Variants in DOCK7 observed in about 807,000 individuals in gnomAD.
DOCK7 encodes dedicator of cytokinesis protein 7.
In DOCK7, 138 loss-of-function variants were observed where a neutral mutation model predicts 271.0. The observed-to-expected ratio is 0.51, with a 90% CI of 0.44 to 0.59. DOCK7 has a LOEUF of 0.59. Among genes scored for constraint, DOCK7 ranks in the 20% least tolerant of loss-of-function variants. The pLI is 0.00. For missense variants in DOCK7, 2,066 were observed against 2,592.4 expected (o/e 0.80, Z 4.41); for synonymous variants, 823 against 876.1 (o/e 0.94, Z 1.07).
chr1:62,573,675 G>A (rs1432176376), intron 18 of DOCK7, among the ~76,000 whole-genome samples: 1 of 152,062 alleles, frequency 6.6e-6, no homozygotes, highest in Non-Finnish European at 1.5e-5. Context: ...TAAAAGGCTT[G>A]TTTTCAGGAC....
At chr1:62,541,291 A>G (rs1224259330) in intron 25 of DOCK7, among the ~76,000 whole-genome samples, 1 of 152,202 alleles carries the variant, frequency 6.6e-6, no homozygotes, top group Non-Finnish European at 1.5e-5. Context: ...GCCACAGGGC[A>G]GTACTGGCAT....
In DOCK7 at chr1:62,488,901, C is replaced by T. The variant is rs758936917; in HGVS notation, c.5493+33G>A. On this transcript the variant is annotated intron_variant, in intron 42 of 49. Coordinates refer to ENST00000635253, the MANE Select transcript of DOCK7 (RefSeq NM_001367561.1). ...TTAATGCTTTCAGACAGTTTTTTCC[C>T]TTTATAGTGAAGCTAGAAATTGGAA... 6.0e-5 allele frequency: 97 copies of T among 1,612,532 alleles called. 1 individual carries two copies. The Middle Eastern group carries it at 9.9e-4, about 16-fold the overall frequency.
intron 18 of DOCK7, among the ~76,000 whole-genome samples, chr1:62,562,732 T>C (rs956406480): frequency 6.6e-6 from 1 of 152,146 alleles, no homozygotes; most frequent in Non-Finnish European, 1.5e-5. Context: ...CAGCATTTCC[T>C]GGGTTTTACT....
At chr1:62,618,576 T>C in intron 14 of DOCK7, 130 bp downstream of exon 14, 1 of 742,030 alleles carries the variant, frequency 1.3e-6, no homozygotes, top group Non-Finnish European at 2.2e-6. Flanking sequence ...ATTAATAAAA[T>C]TGTGCGGTAA....
chr1:62,588,915 A>AT (rs969111680), intron 14 of DOCK7, among the ~76,000 whole-genome samples: 1 of 151,636 alleles, frequency 6.6e-6, no homozygotes, highest in African/African-American at 2.4e-5. Context: ...TAATTTTTCT[A>AT]TTTTTTTGTA....
At chr1:62,508,818 C>A (rs1644391774) in intron 34 of DOCK7, among the ~76,000 whole-genome samples, 1 of 152,030 alleles carries the variant, frequency 6.6e-6, no homozygotes, top group African/African-American at 2.4e-5. Context: ...GTAAAAGTAT[C>A]ATTTAATGCA....
chr1:62,460,700 A>G (rs7547965), intron 48 of DOCK7, among the ~76,000 whole-genome samples: 59,773 of 151,264 alleles, frequency 0.4, 12,609 homozygotes, highest in African/African-American at 0.55. Context: ...TCTTTTGCCC[A>G]GGCTGAAGTG....
chr1:62,680,724 G>T (rs1179677054), intron 1 of DOCK7, among the ~76,000 whole-genome samples: 1 of 151,718 alleles, frequency 6.6e-6, no homozygotes, highest in African/African-American at 2.4e-5. Context: ...AGTGGGCAAA[G>T]GATATGAACA....
intron 1 of DOCK7, among the ~76,000 whole-genome samples, chr1:62,669,438 C>T (rs1659681080): frequency 6.6e-6 from 1 of 152,196 alleles, no homozygotes. Context: ...TTCAGAAGCA[C>T]CTTTGCAACC....
Position 62,508,032 on chromosome 1 carries a change from G to A in DOCK7, c.4406C>T (p.Ala1469Val). Residue 1469 changes from alanine to valine, a missense_variant, in exon 35 of 50, where the codon GCA (alanine) becomes GTA (valine). Ala to Val is a moderately conservative substitution (Grantham distance 64). Coordinates refer to ENST00000635253, the MANE Select transcript of DOCK7 (RefSeq NM_001367561.1). The stretch of plus-strand genomic sequence containing the variant: ...TGTAGCCAGGTTTCCATCAATCAGT[G>A]CTTCGTGTTCAATCTCTGCTCTTGA... ...DKSRAEIEHE[A>V]LIDGNLATEA... 1 of 1,612,242 alleles carries A rather than the reference G, an allele frequency of 6.2e-7. No individual in the cohort carries two copies.
At position 62,508,072 on chromosome 1, in the gene DOCK7, T is replaced by C; in HGVS notation, c.4380-14A>G. On this transcript the variant is annotated splice_polypyrimidine_tract_variant and intron_variant, in intron 34 of 49. Coordinates refer to ENST00000635253, the MANE Select transcript of DOCK7 (RefSeq NM_001367561.1). ...TCTGCTCTTGATCTAATACAAAATA[T>C]TGTAAGAAATTATATTTATCTTTTT... The C allele has an allele frequency of 6.3e-7, 1 of 1,577,764 alleles. No individual in the cohort carries two copies. Among genetic ancestry groups the C allele is most frequent in the Non-Finnish European group, 8.6e-7 (1 of 1,166,402 alleles).
chr1:62,580,146 G>A (rs1311511057), intron 16 of DOCK7, among the ~76,000 whole-genome samples: 2 of 152,094 alleles, frequency 1.3e-5, no homozygotes, highest in Non-Finnish European at 2.9e-5. Context: ...CCACCAATCA[G>A]GTTTTCTTCC....
intron 11 of DOCK7, chr1:62,629,255 T>C (rs1654322736): frequency 6.6e-6 from 1 of 152,050 alleles, no homozygotes; most frequent in Non-Finnish European, 1.5e-5. Flanking sequence ...TCTACATATC[T>C]AAGGAAAAAA....
rs761516952 is a variant in DOCK7, at chr1:62,633,486, A to G, written c.1116+12T>C. 2.0e-5 allele frequency: 31 copies of G among 1,589,570 alleles called. No homozygotes were observed. Among genetic ancestry groups the G allele is most frequent in the Middle Eastern group, 1.7e-4 (1 of 6,046 alleles). On this transcript the variant is annotated intron_variant, in intron 10 of 49. Transcript: ENST00000635253. ...TAATAATGTGGCGGAAATGAGAAGC[A>G]TAACATTCTACCTTGGTGGCATCTG...
At chr1:62,670,280 C>CT (rs1557886991) in intron 1 of DOCK7, among the ~76,000 whole-genome samples, 1 of 152,258 alleles carries the variant, frequency 6.6e-6, no homozygotes, top group East Asian at 1.9e-4. Context: ...TGCGAGCGCA[C>CT]GGCGCAGGAC....
chr1:62,504,778 G>A lies in DOCK7; in HGVS notation c.4616C>T (p.Pro1539Leu). Residue 1539 changes from proline to leucine, a missense_variant, in exon 37 of 50, where the codon CCT becomes CTT. This residue lies in a region of DOCK7 where 652 missense variants were observed against 922.1 expected (regional missense o/e 0.71). Transcript: ENST00000635253. ...TGTCTCTTCTTCAAATAAGAGTTCA[G>A]GAAACTGTAAAACAACAAAACAAAC... ...ATQRALVSKF[P>L]ELLFEEETEQ... 6.2e-7 allele frequency: 1 copy of A among 1,609,266 alleles called. No individual in the cohort carries two copies. The highest frequency in any genetic ancestry group is 8.5e-7 in the Non-Finnish European group (1 of 1,178,826).
intron 2 of DOCK7, among the ~76,000 whole-genome samples, chr1:62,656,539 T>C (rs1447949584): frequency 1.3e-5 from 2 of 152,206 alleles, no homozygotes; most frequent in Admixed American, 1.3e-4. Context: ...TAGGGGGTAC[T>C]TTCCCTTCTG....
intron 19 of DOCK7, among the ~76,000 whole-genome samples, chr1:62,561,160 A>C (rs1302153013): frequency 1.3e-5 from 2 of 152,186 alleles, no homozygotes; most frequent in Non-Finnish European, 2.9e-5. Flanking sequence ...CCAATTCATA[A>C]GTCAAATGAA....
intron 47 of DOCK7, 106 bp downstream of exon 47, chr1:62,475,102 G>C: frequency 7.7e-7 from 1 of 1,292,682 alleles, no homozygotes; most frequent in Non-Finnish European, 1.0e-6. Context: ...ACAGGCAGTA[G>C]AGAAGGCAGA....
Sources: allele counts gnomAD v4.1 joint callset (sites outside exome capture counted in the v4.1 genomes callset), GRCh38; gene constraint gnomAD v4.1.1; regional missense constraint gnomAD v4.1.1; transcripts MANE v1.5; gene names NCBI Gene and HGNC (gene_info 2026-07-23, HGNC 2026-07-21).